Variants in TNFAIP8 observed in about 807,000 individuals in gnomAD.
TNFAIP8 encodes the protein tumor necrosis factor alpha-induced protein 8.
In TNFAIP8, 7 loss-of-function variants were observed where a neutral mutation model predicts 13.3. That is an observed-to-expected ratio of 0.52 (90% CI 0.30 to 0.99). The LOEUF is 0.99. Ranked by LOEUF, TNFAIP8 falls within the 50% of genes least tolerant of loss-of-function variation. The pLI is 0.07. For missense variants in TNFAIP8, 258 were observed against 236.9 expected, an observed-to-expected ratio of 1.09 and a Z score of -0.58; for synonymous variants, 94 against 87.6, an observed-to-expected ratio of 1.07 and a Z score of -0.41.
chr5:119,373,763 C>A (rs1487877614), intron 1 of TNFAIP8, among the ~76,000 whole-genome samples: 1 of 152,138 alleles, frequency 6.6e-6, no homozygotes, highest in Non-Finnish European at 1.5e-5. Context: ...ATTAAATCAT[C>A]TTCAGTCATA....
intron 1 of TNFAIP8, among the ~76,000 whole-genome samples, chr5:119,364,287 A>G (rs754511465): frequency 2.6e-5 from 4 of 152,198 alleles, no homozygotes; most frequent in Non-Finnish European, 5.9e-5. Context: ...TCTCACAACT[A>G]TCACTCAGGA....
intron 1 of TNFAIP8, among the ~76,000 whole-genome samples, chr5:119,363,101 A>T (rs1051578798): frequency 1.3e-5 from 2 of 152,332 alleles, no homozygotes; most frequent in Non-Finnish European, 2.9e-5. Flanking sequence ...AATAAAGGAA[A>T]TAGAAATGGA....
intron 1 of TNFAIP8, among the ~76,000 whole-genome samples, chr5:119,293,271 C>T (rs1749055849): frequency 6.6e-6 from 1 of 152,120 alleles, no homozygotes; most frequent in Non-Finnish European, 1.5e-5. Context: ...TTATTAACTG[C>T]TGCTACTGTG....
At chr5:119,377,521 T>TC (rs1752329284) in intron 1 of TNFAIP8, among the ~76,000 whole-genome samples, 1 of 151,884 alleles carries the variant, frequency 6.6e-6, no homozygotes, top group Non-Finnish European at 1.5e-5. Context: ...GTATGGAGAA[T>TC]CCAAGTTCAG....
chr5:119,318,174 A>T, intron 1 of TNFAIP8, among the ~76,000 whole-genome samples: 1 of 151,776 alleles, frequency 6.6e-6, no homozygotes, highest in East Asian at 1.9e-4. Context: ...CTCTGAATTC[A>T]TTGATCTTTT....
intron 1 of TNFAIP8, among the ~76,000 whole-genome samples, chr5:119,319,393 G>A (rs1490980911): frequency 1.3e-5 from 2 of 152,208 alleles, no homozygotes; most frequent in African/African-American, 4.8e-5. Flanking sequence ...AGTTAATACT[G>A]TAGAGACCCT....
chr5:119,311,269 C>T (rs958745448), intron 1 of TNFAIP8, among the ~76,000 whole-genome samples: 3 of 152,276 alleles, frequency 2.0e-5, no homozygotes, highest in African/African-American at 7.2e-5. Flanking sequence ...AGTGATCTTC[C>T]TGCCTTGGCC....
At chr5:119,278,555 T>C (rs1318722201) in intron 1 of TNFAIP8, among the ~76,000 whole-genome samples, 1 of 152,012 alleles carries the variant, frequency 6.6e-6, no homozygotes, top group African/African-American at 2.4e-5. Context: ...TAAGGGAAGC[T>C]GTGAAAGTGA....
chr5:119,371,684 T>G (rs1752078379), intron 1 of TNFAIP8, among the ~76,000 whole-genome samples: 1 of 152,218 alleles, frequency 6.6e-6, no homozygotes, highest in African/African-American at 2.4e-5. Context: ...GAGAGATAAA[T>G]TCAGTATTAT....
rs960897806 is a variant in TNFAIP8, at chr5:119,397,953, G to A, written c.*4572G>A. Reference sequence around the variant, plus strand: ...ACGTAGCAAAGAACATCAGCCCCACGTTATAGGGAACAAGCGAGTCCCAAA... The same window carrying A: ...ACGTAGCAAAGAACATCAGCCCCACATTATAGGGAACAAGCGAGTCCCAAA... On this transcript the variant is annotated 3_prime_UTR_variant, in exon 2 of 2. Coordinates refer to ENST00000504771, the MANE Select transcript of TNFAIP8 (RefSeq NM_014350.4). 4 of 152,200 alleles carry A rather than the reference G, an allele frequency of 2.6e-5. No homozygotes were observed. The highest frequency in any genetic ancestry group is 2.9e-5 in the Non-Finnish European group (2 of 68,028). The allele number at this position is 152,200 out of a possible 1,614,324, so 9.4% of individuals were successfully genotyped here. A position where few individuals can be genotyped will look rare whatever the true frequency, so the allele number is the denominator to read the frequency against.
At chr5:119,381,008 C>G (rs937547468) in intron 1 of TNFAIP8, among the ~76,000 whole-genome samples, 3 of 152,156 alleles carry the variant, frequency 2.0e-5, no homozygotes, top group African/African-American at 7.2e-5. Context: ...TTAAGTATGG[C>G]ATTCTAGGAG....
upstream of TNFAIP8, among the ~76,000 whole-genome samples, chr5:119,351,554 G>A (rs1751144248): frequency 6.6e-6 from 1 of 152,126 alleles, no homozygotes; most frequent in African/African-American, 2.4e-5. Flanking sequence ...AAGCTATGGT[G>A]TTGAGTATGT....
chr5:119,392,684 G>GT, intron 1 of TNFAIP8, 132 bp from the exon 2 acceptor site: 1 of 1,074,502 alleles, frequency 9.3e-7, no homozygotes, highest in South Asian at 1.7e-5. Flanking sequence ...ACTAATGTCG[G>GT]TAGATGTAAG....
intron 1 of TNFAIP8, among the ~76,000 whole-genome samples, chr5:119,289,641 GCTGCTGTTTATTATTGC>G (rs1234357397): frequency 1.3e-5 from 2 of 152,184 alleles, no homozygotes; most frequent in Non-Finnish European, 2.9e-5. Flanking sequence ...CCTGTACATG[GCTGCTGTTTATTATTGC>G]CAGCCTCTTC....
intron 1 of TNFAIP8, among the ~76,000 whole-genome samples, chr5:119,337,977 C>G (rs989916315): frequency 2.0e-5 from 3 of 152,168 alleles, no homozygotes; most frequent in African/African-American, 7.2e-5. Context: ...AAAATCTGGC[C>G]AGACCTTAAT....
At position 119,380,469 on chromosome 5, in the gene TNFAIP8, A is replaced by C. The variant is rs574190594; in HGVS notation, c.32-12347A>C. 5.3e-5 allele frequency among the ~76,000 whole-genome samples: 8 copies of C among 152,378 alleles called. No homozygotes were observed. The South Asian group carries it at 1.4e-3, about 28-fold the overall frequency. On this transcript the variant is annotated intron_variant, in intron 1 of 1. Transcript: ENST00000504771. ...GGAGAATTTAGGGATGGAAAAGTGT[A>C]GAAAATCACGGAGCTGTTGAGAGGA...
chr5:119,277,198 C>G (rs554379148), intron 1 of TNFAIP8, among the ~76,000 whole-genome samples: 3 of 152,076 alleles, frequency 2.0e-5, no homozygotes, highest in African/African-American at 7.2e-5. Context: ...ACCATAGATA[C>G]GGGGGACTAC....
intron 1 of TNFAIP8, among the ~76,000 whole-genome samples, chr5:119,301,938 A>T (rs1426400483): frequency 6.6e-6 from 1 of 152,236 alleles, no homozygotes; most frequent in Non-Finnish European, 1.5e-5. Flanking sequence ...TCTAGGAACT[A>T]GAGAGGTGTG....
At chr5:119,359,436 C>T (rs1440894376) in intron 1 of TNFAIP8, among the ~76,000 whole-genome samples, 1 of 152,084 alleles carries the variant, frequency 6.6e-6, no homozygotes, top group Non-Finnish European at 1.5e-5. Flanking sequence ...ACAAGCTCTG[C>T]AGGGAAAAAC....
Sources: allele counts gnomAD v4.1 joint callset (sites outside exome capture counted in the v4.1 genomes callset), GRCh38; gene constraint gnomAD v4.1.1; transcripts MANE v1.5; gene names NCBI Gene and HGNC (gene_info 2026-07-23, HGNC 2026-07-21).